The following ALCAM variants were observed in gnomAD, a reference collection of about 807,000 sequenced individuals.
ALCAM encodes the protein activated leukocyte cell adhesion molecule.
A neutral mutation model predicts 70.9 loss-of-function variants in ALCAM; 30 were observed. The observed-to-expected ratio is 0.42, with a 90% confidence interval of 0.32 to 0.57. The LOEUF (loss-of-function observed/expected upper bound fraction) is 0.57. Among genes scored for constraint, ALCAM ranks in the 20% least tolerant of loss-of-function variants. The probability of loss-of-function intolerance (pLI) is 0.11; values close to 1 mark genes in which losing one functional copy is unlikely to be tolerated. For missense variants in ALCAM, 591 were observed against 695.1 expected (o/e 0.85, Z 1.68); for synonymous variants, 249 against 242.5 (o/e 1.03, Z -0.25).
chr3:105,414,120 C>T (rs1936452063), intron 1 of ALCAM, among the ~76,000 whole-genome samples: 1 of 151,756 alleles, frequency 6.6e-6, no homozygotes, highest in Non-Finnish European at 1.5e-5. Context: ...CATAAATGGT[C>T]GAGTGCAGTG....
chr3:105,551,147 A>C (rs1193408128), intron 12 of ALCAM, among the ~76,000 whole-genome samples: 6 of 151,642 alleles, frequency 4.0e-5, no homozygotes, highest in Admixed American at 4.0e-4. Context: ...TCATCAAAAA[A>C]TAATGGTCCC....
intron 1 of ALCAM, among the ~76,000 whole-genome samples, chr3:105,390,166 G>C (rs1935777969): frequency 6.6e-6 from 1 of 151,998 alleles, no homozygotes; most frequent in Non-Finnish European, 1.5e-5. Context: ...TCACCACACT[G>C]TCTTCCACAA....
At chr3:105,469,518 A>T (rs1330263250) in intron 1 of ALCAM, among the ~76,000 whole-genome samples, 1 of 151,280 alleles carries the variant, frequency 6.6e-6, no homozygotes, top group Non-Finnish European at 1.5e-5. Context: ...AGTAGAAAAA[A>T]ATTAAAAGTC....
At chr3:105,440,607 TTA>T (rs1937148765) in intron 1 of ALCAM, among the ~76,000 whole-genome samples, 1 of 152,184 alleles carries the variant, frequency 6.6e-6, no homozygotes, top group Non-Finnish European at 1.5e-5. Context: ...CTGGCAGTCA[TTA>T]AAGATTTGCT....
intron 1 of ALCAM, among the ~76,000 whole-genome samples, chr3:105,447,330 G>A (rs921291741): frequency 7.9e-5 from 12 of 152,106 alleles, no homozygotes; most frequent in Admixed American, 2.0e-4. Flanking sequence ...AAAAAGAGTA[G>A]TACTTTTAGT....
intron 1 of ALCAM, among the ~76,000 whole-genome samples, chr3:105,371,517 C>CTTTTTT (rs35522913): frequency 1.4e-5 from 2 of 142,564 alleles, no homozygotes; most frequent in East Asian, 2.0e-4. Context: ...AAAGATGTTT[C>CTTTTTT]TTTTTTTTTT....
intron 1 of ALCAM, among the ~76,000 whole-genome samples, chr3:105,451,802 C>T (rs1898655): frequency 6.6e-6 from 1 of 152,010 alleles, no homozygotes. Context: ...AGTATAAAAC[C>T]ATATTGGCAA....
At chr3:105,401,928 T>C (rs1211367177) in intron 1 of ALCAM, among the ~76,000 whole-genome samples, 2 of 150,632 alleles carry the variant, frequency 1.3e-5, no homozygotes, top group African/African-American at 2.4e-5. Flanking sequence ...GCATTAGTAT[T>C]GTTTAAAAGC....
At chr3:105,520,727 G>T (rs955425470) in intron 2 of ALCAM, among the ~76,000 whole-genome samples, 12 of 152,250 alleles carry the variant, frequency 7.9e-5, no homozygotes, top group East Asian at 1.9e-4. Context: ...AGGTATGAAG[G>T]TACAAGTGGG....
At chr3:105,385,578 G>T (rs1014908751) in intron 1 of ALCAM, among the ~76,000 whole-genome samples, 1 of 151,530 alleles carries the variant, frequency 6.6e-6, no homozygotes, top group East Asian at 1.9e-4. Flanking sequence ...ATCTCTTCTC[G>T]ATAACTAACA....
intron 1 of ALCAM, among the ~76,000 whole-genome samples, chr3:105,437,823 A>G (rs1012789624): frequency 3.3e-5 from 5 of 152,146 alleles, no homozygotes; most frequent in Admixed American, 6.5e-5. Flanking sequence ...ACTATTCTAT[A>G]CAAATTAGAA....
intron 7 of ALCAM, 87 bp downstream of exon 7, chr3:105,540,189 T>C: frequency 7.4e-7 from 1 of 1,351,004 alleles, no homozygotes; most frequent in Non-Finnish European, 1.0e-6. Context: ...TGAGAAAAAA[T>C]GTTATTGCTG....
intron 1 of ALCAM, among the ~76,000 whole-genome samples, chr3:105,511,880 T>G (rs1939248383): frequency 7.0e-6 from 1 of 142,366 alleles, no homozygotes; most frequent in South Asian, 2.4e-4. Context: ...ACTACTCTGC[T>G]CATTTAGTAG....
intron 1 of ALCAM, among the ~76,000 whole-genome samples, chr3:105,450,006 A>G (rs1937389203): frequency 6.6e-6 from 1 of 152,228 alleles, no homozygotes. Flanking sequence ...AGGAAGCACA[A>G]TAGATACACA....
chr3:105,430,169 T>C (rs1404635726), intron 1 of ALCAM, among the ~76,000 whole-genome samples: 2 of 151,966 alleles, frequency 1.3e-5, no homozygotes, highest in Admixed American at 1.3e-4. Flanking sequence ...AGAGTTTCCT[T>C]ATACTTTATA....
intron 3 of ALCAM, among the ~76,000 whole-genome samples, chr3:105,527,202 C>G (rs1352775398): frequency 6.6e-6 from 1 of 152,102 alleles, no homozygotes; most frequent in East Asian, 1.9e-4. Flanking sequence ...GTTAATAAAA[C>G]CATTCAGAAG....
At chr3:105,499,898 C>T (rs947015629) in intron 1 of ALCAM, among the ~76,000 whole-genome samples, 8 of 152,212 alleles carry the variant, frequency 5.3e-5, no homozygotes, top group African/African-American at 1.9e-4. Flanking sequence ...TCAGGGAGAA[C>T]TGCATTTCAC....
At chr3:105,568,948 A>G (rs1375781820) in intron 14 of ALCAM, among the ~76,000 whole-genome samples, 1 of 152,178 alleles carries the variant, frequency 6.6e-6, no homozygotes, top group East Asian at 1.9e-4. Context: ...AAGGTTGTGA[A>G]ATCATTTGCA....
intron 1 of ALCAM, among the ~76,000 whole-genome samples, chr3:105,507,214 T>C (rs999062141): frequency 3.3e-5 from 5 of 152,142 alleles, no homozygotes; most frequent in African/African-American, 1.2e-4. Flanking sequence ...TCCCCTATTA[T>C]TAACATCTTT....
Sources: gnomAD v4.1 joint callset for allele counts (sites outside exome capture counted in the v4.1 genomes callset) on GRCh38, gnomAD v4.1.1 for gene constraint, MANE v1.5 for transcripts, NCBI Gene and HGNC (gene_info 2026-07-23, HGNC 2026-07-21) for gene names.